The following GGACT variants were observed in gnomAD, a reference collection of about 807,000 sequenced individuals.
GGACT encodes the protein gamma-glutamylaminecyclotransferase.
For synonymous variants in GGACT, 118 were observed against 115.3 expected, an observed-to-expected ratio of 1.02 and a Z score of -0.15; for missense variants, 241 against 233.2, an observed-to-expected ratio of 1.03 and a Z score of -0.22.
intron 2 of GGACT, among the ~76,000 whole-genome samples, chr13:100,568,477 AACTC>A (rs1334014566): frequency 6.6e-6 from 1 of 152,252 alleles, no homozygotes; most frequent in Non-Finnish European, 1.5e-5. Flanking sequence ...TGTGAGAACT[AACTC>A]ACTATCACGA....
chr13:100,567,878 C>G (rs1874949964), intron 2 of GGACT, among the ~76,000 whole-genome samples: 1 of 152,184 alleles, frequency 6.6e-6, no homozygotes, highest in South Asian at 2.1e-4. Flanking sequence ...TCTGACTGAT[C>G]CTTCTATGTG....
In GGACT at chr13:100,532,375, G is replaced by T; in HGVS notation, c.217C>A (p.Arg73=). Residue 73 remains arginine, a synonymous_variant, in exon 3 of 3, where the codon CGG becomes AGG. Transcript: ENST00000683975. ...AAGTCATCCAGAAAGCGCAGCATCC[G>T]CTCGTCTACCGCGTAGACCTCGCCC... is the stretch of plus-strand genomic sequence containing the variant. ...VEGEVYAVDE[R]MLRFLDDFES... 1 of 1,550,528 alleles carries T rather than the reference G, an allele frequency of 6.4e-7. No homozygotes were observed. The highest frequency in any genetic ancestry group is 8.7e-7 in the Non-Finnish European group (1 of 1,146,644).
chr13:100,580,884 G>A (rs756117784), intron 2 of GGACT, among the ~76,000 whole-genome samples: 3 of 152,318 alleles, frequency 2.0e-5, no homozygotes, highest in East Asian at 1.9e-4. Context: ...CCGGGCTCTC[G>A]TTGTTTAAGT....
intron 2 of GGACT, among the ~76,000 whole-genome samples, chr13:100,535,321 T>G (rs1045103606): frequency 6.6e-6 from 1 of 152,262 alleles, no homozygotes; most frequent in Non-Finnish European, 1.5e-5. Context: ...TGTTCAGCAT[T>G]TATCTCCATA....
At chr13:100,567,119 G>A (rs1430609389) in intron 2 of GGACT, among the ~76,000 whole-genome samples, 1 of 152,204 alleles carries the variant, frequency 6.6e-6, no homozygotes, top group African/African-American at 2.4e-5. Flanking sequence ...GACACCATAT[G>A]ATTTCAACTT....
chr13:100,538,026 G>A (rs1192297208), intron 2 of GGACT: 2 of 152,240 alleles, frequency 1.3e-5, no homozygotes, highest in Admixed American at 6.5e-5. Context: ...GCTTACCGAC[G>A]ACCGAGGTTC....
intron 2 of GGACT, among the ~76,000 whole-genome samples, chr13:100,573,209 T>C (rs189329558): frequency 6.6e-6 from 1 of 152,250 alleles, no homozygotes; most frequent in East Asian, 1.9e-4. Flanking sequence ...CCTTTGAACG[T>C]CACTGTTTAC....
At chr13:100,560,958 G>A (rs948534232) in intron 2 of GGACT, among the ~76,000 whole-genome samples, 1 of 152,138 alleles carries the variant, frequency 6.6e-6, no homozygotes, top group African/African-American at 2.4e-5. Flanking sequence ...TCTCCTCCAG[G>A]GCCTGGGATA....
At chr13:100,536,616 C>T (rs1430648617) in intron 2 of GGACT, 1 of 151,670 alleles carries the variant, frequency 6.6e-6, no homozygotes, top group Non-Finnish European at 1.5e-5. Flanking sequence ...TCTTTTCTCT[C>T]TGTTTTGGTA....
intron 2 of GGACT, chr13:100,540,300 T>C (rs1396021224): frequency 3.4e-6 from 3 of 890,790 alleles, no homozygotes; most frequent in Admixed American, 1.7e-5. Context: ...GGGGAGATTT[T>C]TGACTGCTGC....
chr13:100,562,121 C>T (rs11842969), intron 2 of GGACT, among the ~76,000 whole-genome samples: 80,756 of 151,680 alleles, frequency 0.53, 21,860 homozygotes, highest in South Asian at 0.73. Context: ...TTGCCTACCT[C>T]GCAAGCTTCA....
rs1178362761 is a variant in GGACT, at chr13:100,534,356, G to A, written c.-10-1755C>T. 6.6e-6 allele frequency among the ~76,000 whole-genome samples: 1 copy of A among 152,200 alleles called. No individual in the cohort carries two copies. The highest frequency in any genetic ancestry group is 1.5e-5 in the Non-Finnish European group (1 of 68,028). On this transcript the variant is annotated intron_variant, in intron 2 of 2. Coordinates refer to ENST00000683975, the MANE Select transcript of GGACT (RefSeq NM_001195087.2). This position sits in a 1 kb window ranked among gnomAD's most constrained non-coding sequence, Gnocchi z 4.9. Reference sequence around the variant, plus strand: ...CAGTGTGGGGACACAGATTAGACCTGGGGGGCATGCTGGGATAGGAAAGTT... The same window carrying A: ...CAGTGTGGGGACACAGATTAGACCTAGGGGGCATGCTGGGATAGGAAAGTT...
intron 2 of GGACT, among the ~76,000 whole-genome samples, chr13:100,564,720 G>A (rs2088795351): frequency 6.6e-6 from 1 of 152,172 alleles, no homozygotes; most frequent in African/African-American, 2.4e-5. Flanking sequence ...CCACAGGAAT[G>A]GCCATTTGAA....
At chr13:100,559,957 T>A (rs1337609867) in intron 2 of GGACT, among the ~76,000 whole-genome samples, 1 of 152,188 alleles carries the variant, frequency 6.6e-6, no homozygotes, top group Non-Finnish European at 1.5e-5. Flanking sequence ...TACAATAACA[T>A]GCATAAATCT....
chr13:100,550,167 G>A (rs1346107778), intron 2 of GGACT, among the ~76,000 whole-genome samples: 1 of 152,114 alleles, frequency 6.6e-6, no homozygotes, highest in Non-Finnish European at 1.5e-5. Flanking sequence ...CGCACGGCCG[G>A]CCACTGTGTG....
chr13:100,582,734 T>C (rs951134033), intron 2 of GGACT, among the ~76,000 whole-genome samples: 1 of 152,226 alleles, frequency 6.6e-6, no homozygotes, highest in Non-Finnish European at 1.5e-5. Context: ...CAGACAGCTG[T>C]TATTATACAC....
chr13:100,530,180 T>TTTCA lies in GGACT; in HGVS notation c.*1946_*1949dup. ...GAGCTGGAATGAAGGATTTATAACC[T>TTTCA]TTCAGTCATCACCCAATTTAATTAG... is the stretch of plus-strand genomic sequence containing the variant. On this transcript the variant is annotated 3_prime_UTR_variant, in exon 3 of 3. Coordinates refer to ENST00000683975, the MANE Select transcript of GGACT (RefSeq NM_001195087.2). 3 of 1,601,424 alleles carry TTTCA rather than the reference T, an allele frequency of 1.9e-6. No homozygotes were observed. Among genetic ancestry groups the TTTCA allele is most frequent in the Non-Finnish European group, 2.6e-6 (3 of 1,168,420 alleles).
At chr13:100,562,414 C>T (rs11842998) in intron 2 of GGACT, among the ~76,000 whole-genome samples, 3,516 of 152,244 alleles carry the variant, frequency 0.023, 140 homozygotes, top group African/African-American at 0.08. Context: ...TGTGATTCAC[C>T]AAATATACTT....
chr13:100,564,502 CA>C (rs2088793455), intron 2 of GGACT, among the ~76,000 whole-genome samples: 1 of 152,088 alleles, frequency 6.6e-6, no homozygotes, highest in Non-Finnish European at 1.5e-5. Context: ...AAAAGGAAAA[CA>C]AAATATGTGA....
Sources: allele counts gnomAD v4.1 joint callset (sites outside exome capture counted in the v4.1 genomes callset), GRCh38; gene constraint gnomAD v4.1.1; non-coding constraint Gnocchi (gnomAD v3.1); transcripts MANE v1.5; gene names NCBI Gene and HGNC (gene_info 2026-07-23, HGNC 2026-07-21).